The following IGSF21 variants were observed in gnomAD, a reference collection of about 807,000 sequenced individuals.
IGSF21 encodes immunoglobulin superfamily member 21.
A neutral mutation model predicts 46.8 loss-of-function variants in IGSF21; 28 were observed. The ratio of observed to expected loss-of-function variants is 0.60; its 90% CI spans 0.44 to 0.82. The LOEUF (loss-of-function observed/expected upper bound fraction) is 0.82, where lower values mean the gene tolerates loss of function less well. Ranked by LOEUF, IGSF21 falls within the 40% of genes least tolerant of loss-of-function variation. The pLI, the probability that IGSF21 is intolerant of heterozygous loss-of-function variation, is 0.00. For synonymous variants in IGSF21, 284 were observed against 273.6 expected (o/e 1.04, Z -0.38); for missense variants, 624 against 665.5 (o/e 0.94, Z 0.69).
chr1:18,317,258 C>T (rs1465427326), intron 3 of IGSF21, among the ~76,000 whole-genome samples: 3 of 152,138 alleles, frequency 2.0e-5, no homozygotes, highest in Non-Finnish European at 4.4e-5. Flanking sequence ...GAAAAAAACA[C>T]ATTTCATCTT....
chr1:18,306,662 G>A (rs1037105984), intron 3 of IGSF21, among the ~76,000 whole-genome samples: 1 of 152,186 alleles, frequency 6.6e-6, no homozygotes, highest in African/African-American at 2.4e-5. Flanking sequence ...CCTGATCAGA[G>A]GGCCTGGCTG....
At chr1:18,372,666 GTGGA>G (rs2086238335) in intron 6 of IGSF21, among the ~76,000 whole-genome samples, 1 of 95,872 alleles carries the variant, frequency 1.0e-5, no homozygotes, top group African/African-American at 3.8e-5. Context: ...GTTTGGATGG[GTGGA>G]TGGAGGGATG....
chr1:18,231,935 G>GTGTT (rs2084630824), intron 2 of IGSF21, among the ~76,000 whole-genome samples: 1 of 149,992 alleles, frequency 6.7e-6, no homozygotes, highest in Non-Finnish European at 1.5e-5. Context: ...GTGTGTGTGT[G>GTGTT]TGTGTGTGTG....
chr1:18,151,264 A>G (rs977695298), intron 1 of IGSF21, among the ~76,000 whole-genome samples: 13 of 152,230 alleles, frequency 8.5e-5, no homozygotes, highest in Non-Finnish European at 1.5e-5. Context: ...TTGACACAGC[A>G]CAGTAAAAGT....
At chr1:18,204,228 A>G (rs1315509485) in intron 1 of IGSF21, among the ~76,000 whole-genome samples, 1 of 152,228 alleles carries the variant, frequency 6.6e-6, no homozygotes, top group Non-Finnish European at 1.5e-5. Flanking sequence ...TTACAGATGA[A>G]GAAACTGAGC....
At chr1:18,341,833 G>A (rs1035347389) in intron 4 of IGSF21, among the ~76,000 whole-genome samples, 1 of 152,134 alleles carries the variant, frequency 6.6e-6, no homozygotes, top group Admixed American at 6.6e-5. Flanking sequence ...TCTCTCTTCT[G>A]GAAGCTTCCA....
chr1:18,356,536 T>C (rs1364664102), intron 4 of IGSF21, among the ~76,000 whole-genome samples: 1 of 152,212 alleles, frequency 6.6e-6, no homozygotes, highest in Non-Finnish European at 1.5e-5. Context: ...TTACCTGACT[T>C]TGTATTTGGG....
At chr1:18,183,191 C>A (rs1311557653) in intron 1 of IGSF21, among the ~76,000 whole-genome samples, 1 of 152,210 alleles carries the variant, frequency 6.6e-6, no homozygotes, top group African/African-American at 2.4e-5. Context: ...CCTTGCCCTG[C>A]ATGTCTGAAC....
At chr1:18,213,236 T>C (rs1051473428) in intron 1 of IGSF21, among the ~76,000 whole-genome samples, 3 of 152,244 alleles carry the variant, frequency 2.0e-5, no homozygotes, top group African/African-American at 7.2e-5. Flanking sequence ...TCACTTTTTT[T>C]CCACCAAGAA....
intron 7 of IGSF21, 71 bp from the exon 8 acceptor site, chr1:18,376,729 C>T (rs1289829986): frequency 2.8e-6 from 4 of 1,439,798 alleles, no homozygotes; most frequent in Non-Finnish European, 3.8e-6. Context: ...GGCCAGGCAG[C>T]CCCTGACCCC....
intron 5 of IGSF21, among the ~76,000 whole-genome samples, chr1:18,364,505 G>A (rs368879203): frequency 1.8e-4 from 26 of 148,138 alleles, no homozygotes; most frequent in African/African-American, 6.3e-4. Flanking sequence ...CCCCCCTATC[G>A]ATTTATTTAT....
intron 1 of IGSF21, among the ~76,000 whole-genome samples, chr1:18,152,554 G>A (rs566165573): frequency 3.3e-5 from 5 of 152,238 alleles, no homozygotes; most frequent in South Asian, 2.1e-4. Flanking sequence ...ACCTTAGCTC[G>A]CTCATCTGCA....
At chr1:18,338,317 T>G (rs1335599103) in intron 4 of IGSF21, among the ~76,000 whole-genome samples, 3 of 152,192 alleles carry the variant, frequency 2.0e-5, no homozygotes, top group African/African-American at 7.2e-5. Context: ...TAAAATCGAC[T>G]CATTGCTTTG....
chr1:18,141,712 C>T (rs750906315), intron 1 of IGSF21, among the ~76,000 whole-genome samples: 1 of 152,188 alleles, frequency 6.6e-6, no homozygotes, highest in African/African-American at 2.4e-5. Flanking sequence ...ATAATACATT[C>T]CTGGACAACA....
intron 1 of IGSF21, among the ~76,000 whole-genome samples, chr1:18,197,220 G>C (rs747511516): frequency 6.6e-6 from 1 of 152,176 alleles, no homozygotes; most frequent in Admixed American, 6.5e-5. Context: ...TCATGGGCGG[G>C]CAACCCAGTC....
chr1:18,376,448 G>A lies in IGSF21; in HGVS notation c.1101+53G>A, dbSNP rs377272780. 74 of 1,258,436 alleles carry A rather than the reference G, an allele frequency of 5.9e-5. No homozygotes were observed. In the East Asian group the frequency reaches 1.1e-3, roughly 19 times the overall value. 78.0% of individuals were successfully genotyped at this position (1,258,436 alleles called of 1,614,324 possible). On this transcript the variant is annotated intron_variant, in intron 7 of 9. Coordinates refer to ENST00000251296, the MANE Select transcript of IGSF21 (RefSeq NM_032880.5). ...GGTGGTGGGAGGTGGTAGAGGCACC[G>A]ACCCAGCACCAGCATTCCTGGCAGT...
chr1:18,230,404 G>A (rs1053059810), intron 2 of IGSF21, among the ~76,000 whole-genome samples: 1 of 152,210 alleles, frequency 6.6e-6, no homozygotes, highest in Admixed American at 6.5e-5. Context: ...ATGGTAGGCT[G>A]CACTAATTAA....
intron 4 of IGSF21, among the ~76,000 whole-genome samples, chr1:18,356,875 G>A (rs1201266488): frequency 6.6e-6 from 1 of 152,086 alleles, no homozygotes; most frequent in Non-Finnish European, 1.5e-5. Context: ...AGGAGATGGA[G>A]TTGAAGTTGG....
chr1:18,227,974 G>T lies in IGSF21; in HGVS notation c.147G>T (p.Lys49Asn). ...GDAVTLKCNFKTDGRMREIVW... is the reference protein window; with the variant it reads ...GDAVTLKCNFNTDGRMREIVW... ...CCGTGACTTTGAAGTGTAACTTCAAGACAGATGGGCGCATGCGGGAGATCG... is the reference window on the plus strand; with the variant it reads ...CCGTGACTTTGAAGTGTAACTTCAATACAGATGGGCGCATGCGGGAGATCG... The change falls in exon 2 of 10, where the codon AAG (lysine) becomes AAT (asparagine). Residue 49 changes from lysine (K) to asparagine (N), a missense_variant. Lys to Asn is a moderately conservative substitution (Grantham distance 94). Transcript: ENST00000251296. 1 of 1,613,964 alleles carries T rather than the reference G, an allele frequency of 6.2e-7. No homozygotes were observed. The highest frequency in any genetic ancestry group is 8.5e-7 in the Non-Finnish European group (1 of 1,179,850).
Sources: gnomAD v4.1 joint callset for allele counts (sites outside exome capture counted in the v4.1 genomes callset) on GRCh38, gnomAD v4.1.1 for gene constraint, MANE v1.5 for transcripts, NCBI Gene and HGNC (gene_info 2026-07-23, HGNC 2026-07-21) for gene names.